The following DCLK1 variants were observed in gnomAD, a reference collection of about 807,000 sequenced individuals.
The protein encoded by DCLK1 is serine/threonine-protein kinase DCLK1.
A neutral mutation model predicts 86.2 loss-of-function variants in DCLK1; 16 were observed. The ratio of observed to expected loss-of-function variants is 0.19; its 90% CI spans 0.13 to 0.28. DCLK1 has a LOEUF of 0.28. DCLK1 is among the 10% of genes least tolerant of loss of function. The pLI is 1.00. For missense variants in DCLK1, 590 were observed against 940.2 expected (o/e 0.63, Z 4.87); for synonymous variants, 369 against 370.5 (o/e 1.00, Z 0.05).
intron 3 of DCLK1, among the ~76,000 whole-genome samples, chr13:35,987,675 G>C (rs549494262): frequency 6.6e-6 from 1 of 152,150 alleles, no homozygotes; most frequent in South Asian, 2.1e-4. Context: ...GTCTTTTCAC[G>C]GATGAAATGG....
At chr13:35,835,885 C>G in intron 8 of DCLK1, 148 bp downstream of exon 8, 1 of 577,284 alleles carries the variant, frequency 1.7e-6, no homozygotes, top group East Asian at 3.0e-5. Flanking sequence ...TTAGATGGGT[C>G]TTTCTTTTGC....
chr13:35,831,902 G>T (rs1868993492), intron 8 of DCLK1, among the ~76,000 whole-genome samples: 1 of 152,128 alleles, frequency 6.6e-6, no homozygotes, highest in Non-Finnish European at 1.5e-5. Flanking sequence ...AAAATGGTTT[G>T]GAGACAGCTG....
chr13:35,819,958 C>G (rs1056246540), intron 11 of DCLK1, among the ~76,000 whole-genome samples: 2 of 152,114 alleles, frequency 1.3e-5, no homozygotes, highest in African/African-American at 4.8e-5. Context: ...GAAGGAGGTA[C>G]CTTCCTCAAG....
At chr13:36,102,139 C>G (rs1483548921) in intron 3 of DCLK1, among the ~76,000 whole-genome samples, 1 of 151,824 alleles carries the variant, frequency 6.6e-6, no homozygotes, top group African/African-American at 2.4e-5. Flanking sequence ...GTTTCTAGCT[C>G]CCAGACTGTC....
At chr13:35,778,592 C>T (rs1247686688) in intron 16 of DCLK1, among the ~76,000 whole-genome samples, 1 of 152,132 alleles carries the variant, frequency 6.6e-6, no homozygotes, top group African/African-American at 2.4e-5. Context: ...GGCACCCGAC[C>T]CCATCAATAG....
chr13:35,915,999 A>C (rs540217559), intron 4 of DCLK1, among the ~76,000 whole-genome samples: 14 of 152,190 alleles, frequency 9.2e-5, no homozygotes, highest in Admixed American at 2.6e-4. Flanking sequence ...TTTGATTTTA[A>C]GGATGGGAGT....
intron 15 of DCLK1, among the ~76,000 whole-genome samples, chr13:35,797,130 C>A (rs556445874): frequency 6.6e-6 from 1 of 152,258 alleles, no homozygotes; most frequent in African/African-American, 2.4e-5. Context: ...TAGAGTTGCA[C>A]GGAGCCAACA....
chr13:36,008,362 A>AT (rs1369095829), intron 3 of DCLK1, among the ~76,000 whole-genome samples: 1 of 77,338 alleles, frequency 1.3e-5, no homozygotes, highest in Non-Finnish European at 2.4e-5. Flanking sequence ...TCCCAATGCT[A>AT]TCCCTCCCCC....
At chr13:35,876,055 T>C (rs1435157727) in intron 4 of DCLK1, among the ~76,000 whole-genome samples, 3 of 152,166 alleles carry the variant, frequency 2.0e-5, no homozygotes, top group African/African-American at 4.8e-5. Context: ...AAATGGGTGA[T>C]GGTGCATCAG....
At chr13:35,999,015 G>A (rs1880595493) in intron 3 of DCLK1, among the ~76,000 whole-genome samples, 1 of 152,136 alleles carries the variant, frequency 6.6e-6, no homozygotes, top group Non-Finnish European at 1.5e-5. Context: ...AGCACTTTGG[G>A]AGGCCACTGA....
At chr13:36,128,908 A>G (rs1449716420) in intron 1 of DCLK1, among the ~76,000 whole-genome samples, 2 of 152,138 alleles carry the variant, frequency 1.3e-5, no homozygotes, top group Non-Finnish European at 2.9e-5. Flanking sequence ...TTTAATTTAT[A>G]TGGTTTTAAA....
At chr13:36,100,311 G>C (rs960425991) in intron 3 of DCLK1, among the ~76,000 whole-genome samples, 103 of 151,928 alleles carry the variant, frequency 6.8e-4, no homozygotes, top group African/African-American at 2.4e-3. Flanking sequence ...CCCAGGAGGT[G>C]GAGGCTGCAG....
intron 4 of DCLK1, among the ~76,000 whole-genome samples, chr13:35,934,372 T>C (rs74462006): frequency 0.059 from 8,995 of 152,248 alleles, 865 homozygotes; most frequent in African/African-American, 0.2. Flanking sequence ...GATGAAGATA[T>C]ACCCGAGACT....
chr13:36,027,330 G>A (rs186013930), intron 3 of DCLK1, among the ~76,000 whole-genome samples: 4 of 152,318 alleles, frequency 2.6e-5, no homozygotes, highest in East Asian at 1.9e-4. Context: ...TAATGCTGCC[G>A]CTGATCTGGC....
At chr13:35,979,453 T>C (rs908750678) in intron 3 of DCLK1, among the ~76,000 whole-genome samples, 1 of 152,182 alleles carries the variant, frequency 6.6e-6, no homozygotes, top group Non-Finnish European at 1.5e-5. Context: ...GGCAAATGCA[T>C]GACAGCCAAT....
chr13:35,880,775 T>C (rs1872843696), intron 4 of DCLK1, among the ~76,000 whole-genome samples: 1 of 152,172 alleles, frequency 6.6e-6, no homozygotes, highest in Non-Finnish European at 1.5e-5. Context: ...GTCTGCTGCC[T>C]TTTCATTGGC....
chr13:36,044,597 A>T (rs1882811005), intron 3 of DCLK1, among the ~76,000 whole-genome samples: 1 of 152,164 alleles, frequency 6.6e-6, no homozygotes, highest in African/African-American at 2.4e-5. Flanking sequence ...GCAAAATTTT[A>T]AAAATGAGTC....
intron 7 of DCLK1, among the ~76,000 whole-genome samples, chr13:35,837,431 C>T (rs902452479): frequency 3.3e-5 from 5 of 152,134 alleles, no homozygotes; most frequent in Non-Finnish European, 7.3e-5. Flanking sequence ...GTGAGGGCTG[C>T]AGCCAATCCC....
chr13:35,855,420 T>A, intron 5 of DCLK1: 2 of 1,286,966 alleles, frequency 1.6e-6, no homozygotes, highest in South Asian at 2.7e-5. Flanking sequence ...CCACAGTCAG[T>A]GAAGTAGAAT....
Sources: allele counts gnomAD v4.1 joint callset (sites outside exome capture counted in the v4.1 genomes callset), GRCh38; gene constraint gnomAD v4.1.1; transcripts MANE v1.5; gene names NCBI Gene and HGNC (gene_info 2026-07-23, HGNC 2026-07-21).